Variants in KLC1 observed in about 807,000 individuals in gnomAD.
KLC1 encodes the protein kinesin light chain 1, also known as kinesin 2 60/70kDa.
KLC1 carries 30 observed loss-of-function variants against 84.2 expected under a neutral mutation model. That is an observed-to-expected ratio of 0.36 (90% CI 0.27 to 0.48). KLC1 has a LOEUF of 0.48. Among genes scored for constraint, KLC1 ranks in the 20% least tolerant of loss-of-function variants. The pLI is 0.99. For missense variants in KLC1, 499 were observed against 805.4 expected (o/e 0.62, Z 4.60); for synonymous variants, 289 against 293.3 (o/e 0.99, Z 0.15).
chr14:103,645,873 T>C (rs2151400553), intron 1 of KLC1, among the ~76,000 whole-genome samples: 1 of 152,060 alleles, frequency 6.6e-6, no homozygotes, highest in South Asian at 2.1e-4. Context: ...TTCTTCTGCC[T>C]CAGCCTCCCG....
intron 13 of KLC1, among the ~76,000 whole-genome samples, chr14:103,681,015 C>T (rs534699915): frequency 1.3e-5 from 2 of 152,288 alleles, no homozygotes; most frequent in East Asian, 3.9e-4. Flanking sequence ...CAGGTGTCCC[C>T]GTCAGGCCCG....
intron 13 of KLC1, among the ~76,000 whole-genome samples, chr14:103,680,705 C>T (rs1363912051): frequency 2.6e-5 from 4 of 152,188 alleles, no homozygotes; most frequent in Non-Finnish European, 5.9e-5. Flanking sequence ...GCCCGCAGGC[C>T]TCCCTGTCGC....
At chr14:103,632,610 A>G (rs2076769089) in intron 1 of KLC1, among the ~76,000 whole-genome samples, 1 of 151,878 alleles carries the variant, frequency 6.6e-6, no homozygotes, top group Non-Finnish European at 1.5e-5. Context: ...AATCGCAGCT[A>G]CTCAGAAGGC....
At chr14:103,630,960 C>G (rs2076628094) in intron 1 of KLC1, among the ~76,000 whole-genome samples, 1 of 152,176 alleles carries the variant, frequency 6.6e-6, no homozygotes. Flanking sequence ...GAAAAGCATC[C>G]AGACATGCAC....
chr14:103,686,493 T>C (rs2081788368), intron 13 of KLC1: 1 of 152,452 alleles, frequency 6.6e-6, no homozygotes, highest in South Asian at 2.1e-4. Context: ...TGTCTGAGGA[T>C]TTTTAGTTAT....
At chr14:103,643,527 A>T (rs2077651960) in intron 1 of KLC1, among the ~76,000 whole-genome samples, 1 of 152,258 alleles carries the variant, frequency 6.6e-6, no homozygotes, top group African/African-American at 2.4e-5. Context: ...ATGGCCCGTG[A>T]CACAGCCCTC....
At chr14:103,670,097 T>C in intron 6 of KLC1, 85 bp from the exon 7 acceptor site, 1 of 913,896 alleles carries the variant, frequency 1.1e-6, no homozygotes, top group Non-Finnish European at 1.7e-6. Flanking sequence ...CTGTATAGAT[T>C]GAATATAAAT....
intron 1 of KLC1, among the ~76,000 whole-genome samples, chr14:103,635,492 G>A (rs950349426): frequency 5.9e-5 from 9 of 152,130 alleles, no homozygotes; most frequent in African/African-American, 2.2e-4. Context: ...GGTGGCTAAT[G>A]TCTGTAATCC....
intron 1 of KLC1, among the ~76,000 whole-genome samples, chr14:103,654,328 A>T (rs2078686888): frequency 6.6e-6 from 1 of 152,210 alleles, no homozygotes; most frequent in Admixed American, 6.6e-5. Context: ...CTTTGGCATT[A>T]ATTTCAGTTG....
At chr14:103,692,309 T>C in intron 14 of KLC1, 50 bp from the exon 15 acceptor site, 1 of 1,514,724 alleles carries the variant, frequency 6.6e-7, no homozygotes, top group Non-Finnish European at 8.9e-7. Flanking sequence ...TGTTGCTGGT[T>C]GACCGATGTG....
At chr14:103,669,292 G>A (rs901795427) in intron 5 of KLC1, among the ~76,000 whole-genome samples, 1 of 151,656 alleles carries the variant, frequency 6.6e-6, no homozygotes, top group Non-Finnish European at 1.5e-5. Flanking sequence ...AAAATTAGCC[G>A]GGCGTGGTGA....
At position 103,640,393 on chromosome 14, in the gene KLC1, C is replaced by T. The variant is rs560570684; in HGVS notation, c.-2+10899C>T. 3.6e-3 allele frequency among the ~76,000 whole-genome samples: 547 copies of T among 151,318 alleles called. 3 individuals are homozygous for T. The highest frequency in any genetic ancestry group is 0.012 in the African/African-American group (477 of 41,126). On this transcript the variant is annotated intron_variant, in intron 1 of 16. Transcript: ENST00000334553. ...CTTTTTTTTTTGAGACAGAGTCTCG[C>T]GCTGTCGCCCAGGCTGGAGTGCAGT...
intron 12 of KLC1, 31 bp from the exon 13 acceptor site, chr14:103,679,353 G>A: frequency 6.2e-7 from 1 of 1,612,508 alleles, no homozygotes. Flanking sequence ...GTGCTAATGG[G>A]TCAAACCATT....
intron 14 of KLC1, among the ~76,000 whole-genome samples, chr14:103,689,951 G>T (rs1466302295): frequency 6.6e-6 from 1 of 152,154 alleles, no homozygotes; most frequent in Non-Finnish European, 1.5e-5. Flanking sequence ...AGGCCTAGGT[G>T]GGTGGATCAC....
intron 15 of KLC1, chr14:103,699,615 G>T: frequency 6.2e-7 from 1 of 1,607,176 alleles, no homozygotes; most frequent in Non-Finnish European, 8.5e-7. Context: ...TGGTCAGCAA[G>T]TCCCCGCCCC....
chr14:103,687,045 C>G, intron 13 of KLC1, 36 bp from the exon 14 acceptor site: 1 of 1,494,304 alleles, frequency 6.7e-7, no homozygotes, highest in Non-Finnish European at 9.1e-7. Flanking sequence ...GAGGGAGAAC[C>G]ACCTGCAGCT....
At chr14:103,650,338 CTTCA>C (rs2078326119) in intron 1 of KLC1, among the ~76,000 whole-genome samples, 1 of 152,068 alleles carries the variant, frequency 6.6e-6, no homozygotes, top group African/African-American at 2.4e-5. Context: ...TCCAAAGCTG[CTTCA>C]TTCATTCATT....
intron 3 of KLC1, among the ~76,000 whole-genome samples, chr14:103,660,174 C>A (rs563127625): frequency 6.6e-6 from 1 of 152,246 alleles, no homozygotes; most frequent in South Asian, 2.1e-4. Flanking sequence ...TAGGGGCCAA[C>A]TAAATGTTTT....
intron 1 of KLC1, among the ~76,000 whole-genome samples, chr14:103,631,744 C>T (rs1208490134): frequency 2.0e-5 from 3 of 151,980 alleles, no homozygotes; most frequent in Non-Finnish European, 4.4e-5. Context: ...ATTACAGGTG[C>T]CCACTACCAC....
Sources: gnomAD v4.1 joint callset for allele counts (sites outside exome capture counted in the v4.1 genomes callset) on GRCh38, gnomAD v4.1.1 for gene constraint, MANE v1.5 for transcripts, NCBI Gene and HGNC (gene_info 2026-07-23, HGNC 2026-07-21) for gene names.